C20orf96: variants seen among roughly 807,000 people sequenced by gnomAD.
C20orf96 encodes the protein chromosome 20 open reading frame 96, also known as uncharacterized protein C20orf96.
C20orf96 carries 57 observed loss-of-function variants against 52.6 expected under a neutral mutation model. That is an observed-to-expected ratio of 1.08 (90% CI 0.88 to 1.35). C20orf96 has a LOEUF of 1.35. Ranked by LOEUF, C20orf96 falls within the 40% of genes most tolerant of loss-of-function variation. The probability of loss-of-function intolerance (pLI) is 0.00; values close to 1 mark genes in which losing one functional copy is unlikely to be tolerated. For synonymous variants in C20orf96, 168 were observed against 157.2 expected, an observed-to-expected ratio of 1.07 and a Z score of -0.51; for missense variants, 478 against 443.6, an observed-to-expected ratio of 1.08 and a Z score of -0.70.
intron 4 of C20orf96, among the ~76,000 whole-genome samples, chr20:281,717 A>C (rs1017929061): frequency 3.9e-5 from 6 of 152,180 alleles, no homozygotes; most frequent in African/African-American, 1.4e-4. Flanking sequence ...AGTGGTTCAC[A>C]CCTGTAATCC....
chr20:290,374 C>A, intron 1 of C20orf96, 67 bp from the exon 2 acceptor site: 1 of 1,591,068 alleles, frequency 6.3e-7, no homozygotes. Flanking sequence ...AGCAGCAATT[C>A]GAAACAGGAT....
At chr20:273,890 G>A (rs2011918816) in intron 10 of C20orf96, among the ~76,000 whole-genome samples, 1 of 71,398 alleles carries the variant, frequency 1.4e-5, no homozygotes, top group Non-Finnish European at 2.3e-5. Context: ...AAGAAGGAAG[G>A]AAGAAAGGAA....
At position 276,815 on chromosome 20, in the gene C20orf96, T is replaced by C. The variant is rs779892545; in HGVS notation, c.890A>G (p.Lys297Arg). The C allele has an allele frequency of 6.2e-7, 1 of 1,613,416 alleles. No homozygotes were observed. Residue 297 changes from lysine to arginine, a missense_variant, in exon 9 of 11, where the codon AAA becomes AGA. Physicochemically the swap from Lys to Arg is conservative, Grantham distance 26. Coordinates refer to ENST00000360321, the MANE Select transcript of C20orf96 (RefSeq NM_153269.3). ...QKMWESQDFL[K>R]CMQRFREIID... ...CACTTCTCTGAACCTTTGCATGCATTTCAGGAAGTCCTGGCTTTCCCACAT... is the reference window on the plus strand; with the variant it reads ...CACTTCTCTGAACCTTTGCATGCATCTCAGGAAGTCCTGGCTTTCCCACAT...
intron 10 of C20orf96, among the ~76,000 whole-genome samples, chr20:274,105 T>C (rs1318539661): frequency 6.6e-6 from 1 of 152,052 alleles, no homozygotes; most frequent in Non-Finnish European, 1.5e-5. Flanking sequence ...ACCTACTGAC[T>C]TGGAATCTGC....
At chr20:273,965 AAAAG>A (rs1309799062) in intron 10 of C20orf96, among the ~76,000 whole-genome samples, 7 of 150,860 alleles carry the variant, frequency 4.6e-5, no homozygotes, top group East Asian at 3.9e-4. Context: ...GGAAGAAAGA[AAAAG>A]AAAGAAAAGA....
At chr20:281,766 C>T (rs1452511874) in intron 4 of C20orf96, among the ~76,000 whole-genome samples, 1 of 152,124 alleles carries the variant, frequency 6.6e-6, no homozygotes. Context: ...ACTACTTGAG[C>T]CCAGGAGTTA....
intron 9 of C20orf96, chr20:276,340 A>AAT (rs2012023191): frequency 1.0e-6 from 1 of 985,228 alleles, no homozygotes; most frequent in Non-Finnish European, 1.2e-6. Flanking sequence ...AGTGGCGGGG[A>AAT]ATGCTCAATC....
At chr20:282,490 T>G (rs1286041325) in intron 4 of C20orf96, among the ~76,000 whole-genome samples, 1 of 152,180 alleles carries the variant, frequency 6.6e-6, no homozygotes, top group Non-Finnish European at 1.5e-5. Context: ...CTGGACTGGT[T>G]AGGAGCACAA....
chr20:279,073 A>AGGGCGGGACGGAGGGAGGGC, intron 5 of C20orf96, 99 bp downstream of exon 5: 1 of 444,122 alleles, frequency 2.3e-6, no homozygotes. Flanking sequence ...GGAGGGAGGG[A>AGGGCGGGACGGAGGGAGGGC]GGGAGGGACG....
intron 2 of C20orf96, 90 bp downstream of exon 2, chr20:290,169 C>T (rs1375657136): frequency 8.7e-6 from 9 of 1,033,684 alleles, no homozygotes; most frequent in East Asian, 2.5e-5. Context: ...AGCCTATATC[C>T]GCGGAGCAGT....
chr20:274,310 G>C (rs531018451), intron 10 of C20orf96, among the ~76,000 whole-genome samples: 2 of 152,042 alleles, frequency 1.3e-5, no homozygotes, highest in Non-Finnish European at 2.9e-5. Context: ...TTTTGGAAAG[G>C]GGGTATGACC....
intron 3 of C20orf96, among the ~76,000 whole-genome samples, chr20:288,522 G>A (rs1290581828): frequency 6.6e-6 from 1 of 152,112 alleles, no homozygotes; most frequent in African/African-American, 2.4e-5. Flanking sequence ...TTCATGAAGT[G>A]TCATGAGGTG....
At chr20:275,485 G>C (rs934252026) in intron 10 of C20orf96, among the ~76,000 whole-genome samples, 27 of 152,216 alleles carry the variant, frequency 1.8e-4, no homozygotes, top group Non-Finnish European at 3.5e-4. Flanking sequence ...GGAGAGGTAA[G>C]CCTGGGGGAC....
At position 284,091 on chromosome 20, in the gene C20orf96, G is replaced by A. The variant is rs1279918257; in HGVS notation, c.188-10C>T. The A allele has an allele frequency of 6.2e-7, 1 of 1,602,602 alleles. No individual in the cohort carries two copies. Among genetic ancestry groups the A allele is most frequent in the Non-Finnish European group, 8.5e-7 (1 of 1,169,590 alleles). On this transcript the variant is annotated splice_polypyrimidine_tract_variant and intron_variant, in intron 3 of 10. Coordinates refer to ENST00000360321, the MANE Select transcript of C20orf96 (RefSeq NM_153269.3). ...GGCTTGAAGTGAAACACTAGGGGTA[G>A]ACAGGAAAGGACAGGGAGAGAGTGA... is the stretch of plus-strand genomic sequence containing the variant.
chr20:280,113 A>C (rs910667304), intron 4 of C20orf96, among the ~76,000 whole-genome samples: 1 of 152,172 alleles, frequency 6.6e-6, no homozygotes, highest in African/African-American at 2.4e-5. Flanking sequence ...GAGTACTCTC[A>C]TTTCACACAA....
At chr20:290,376 A>G (rs755603873) in intron 1 of C20orf96, 69 bp from the exon 2 acceptor site, 1 of 1,589,854 alleles carries the variant, frequency 6.3e-7, no homozygotes, top group South Asian at 1.1e-5. Context: ...CAGCAATTCG[A>G]AACAGGATTG....
chr20:273,912 AGG>A (rs2011924805), intron 10 of C20orf96, among the ~76,000 whole-genome samples: 1 of 44,286 alleles, frequency 2.3e-5, no homozygotes, highest in Non-Finnish European at 3.8e-5. Context: ...GAAGGGAGGG[AGG>A]GAGGGAGGGA....
At position 275,957 on chromosome 20, in the gene C20orf96, AG is replaced by A; in HGVS notation, c.1031+10del. 1 of 1,612,798 alleles carries A rather than the reference AG, an allele frequency of 6.2e-7. No individual in the cohort carries two copies. The highest frequency in any genetic ancestry group is 8.5e-7 in the Non-Finnish European group (1 of 1,178,834). Reference sequence around the variant, plus strand: ...ACTGGTTTAAGAGGCAGTGGCAAAAAGATCACATACTTGGGTCTCCGAAGCA... The same window carrying A: ...ACTGGTTTAAGAGGCAGTGGCAAAAAATCACATACTTGGGTCTCCGAAGCA... On this transcript the variant is annotated intron_variant, in intron 10 of 10. Coordinates refer to ENST00000360321, the MANE Select transcript of C20orf96 (RefSeq NM_153269.3).
chr20:283,985 T>G lies in C20orf96; in HGVS notation c.284A>C (p.His95Pro), dbSNP rs762536700. The G allele has an allele frequency of 1.9e-6, 3 of 1,613,820 alleles. No homozygotes were observed. The highest frequency in any genetic ancestry group is 2.7e-5 in the African/African-American group (2 of 74,922). The change falls in exon 4 of 11, where the codon CAT becomes CCT. Residue 95 changes from histidine (H) to proline (P), a missense_variant. Physicochemically the swap from His to Pro is moderately conservative, Grantham distance 77. Coordinates refer to ENST00000360321, the MANE Select transcript of C20orf96 (RefSeq NM_153269.3). ...TACCTTCATTAACCAGATTTTGGCA[T>G]GCATCTTCCCAGGGTCCAACTTCCG... ...RRRKLDPGKM[H>P]AKIWLMKTSL... is the part of the protein sequence containing the mutation.
Sources: allele counts gnomAD v4.1 joint callset (sites outside exome capture counted in the v4.1 genomes callset), GRCh38; gene constraint gnomAD v4.1.1; transcripts MANE v1.5; gene names NCBI Gene and HGNC (gene_info 2026-07-23, HGNC 2026-07-21).